Variants in HMGA2 observed in about 807,000 individuals in gnomAD.
The protein encoded by HMGA2 is high mobility group protein HMGI-C.
HMGA2 carries 8 observed loss-of-function variants against 19.1 expected under a neutral mutation model. The ratio of observed to expected loss-of-function variants is 0.42; its 90% confidence interval spans 0.25 to 0.76. The LOEUF (loss-of-function observed/expected upper bound fraction) is 0.76, where lower values mean the gene tolerates loss of function less well. Among genes scored for constraint, HMGA2 ranks in the 30% least tolerant of loss-of-function variants. The pLI is 0.28. For missense variants in HMGA2, 109 were observed against 136.3 expected (o/e 0.80, Z 1.00); for synonymous variants, 60 against 48.8 (o/e 1.23, Z -0.96).
At chr12:65,923,298 TC>T (rs1565733698) in intron 3 of HMGA2, among the ~76,000 whole-genome samples, 2 of 152,214 alleles carry the variant, frequency 1.3e-5, no homozygotes, top group Non-Finnish European at 2.9e-5. Flanking sequence ...CTGGGTCCTT[TC>T]CCACTCCCAA....
chr12:65,850,514 ATTT>A (rs75062051), intron 3 of HMGA2, among the ~76,000 whole-genome samples: 1 of 143,884 alleles, frequency 7.0e-6, no homozygotes, highest in African/African-American at 2.5e-5. Context: ...AAGAGACCGA[ATTT>A]TTTTTTTTTT....
intron 3 of HMGA2, among the ~76,000 whole-genome samples, chr12:65,911,936 A>G (rs1874863397): frequency 6.6e-6 from 1 of 152,204 alleles, no homozygotes; most frequent in African/African-American, 2.4e-5. Context: ...AAATGAAACT[A>G]TGATAGTGGC....
At chr12:65,896,258 A>G (rs1874126280) in intron 3 of HMGA2, among the ~76,000 whole-genome samples, 1 of 152,226 alleles carries the variant, frequency 6.6e-6, no homozygotes. Flanking sequence ...CCAACTGCCA[A>G]CAAAGAAGGG....
intron 3 of HMGA2, among the ~76,000 whole-genome samples, chr12:65,896,602 G>A (rs1033235473): frequency 6.6e-6 from 1 of 152,148 alleles, no homozygotes; most frequent in African/African-American, 2.4e-5. Flanking sequence ...GTGTGCGTGT[G>A]CAGCATGGCC....
intron 3 of HMGA2, among the ~76,000 whole-genome samples, chr12:65,905,173 T>C (rs997990376): frequency 6.7e-6 from 1 of 150,358 alleles, no homozygotes; most frequent in South Asian, 2.1e-4. Context: ...TTATAATGAA[T>C]TGACTTTATC....
At chr12:65,915,338 T>C (rs1020607867) in intron 3 of HMGA2, 17 of 1,371,276 alleles carry the variant, frequency 1.2e-5, no homozygotes, top group Admixed American at 2.8e-5. Context: ...CTACCCCATA[T>C]GGCACCCTTG....
chr12:65,899,043 CAAAAAAA>C (rs751128412), intron 3 of HMGA2, among the ~76,000 whole-genome samples: 2 of 25,352 alleles, frequency 7.9e-5, no homozygotes, highest in Non-Finnish European at 2.1e-4. Flanking sequence ...GACTCCGTCT[CAAAAAAA>C]AAAAAAAAAA....
chr12:65,910,561 C>T (rs1404166223), intron 3 of HMGA2, among the ~76,000 whole-genome samples: 1 of 152,106 alleles, frequency 6.6e-6, no homozygotes, highest in African/African-American at 2.4e-5. Context: ...GTTGATAATT[C>T]TACATAAGAT....
chr12:65,944,865 T>C (rs1465257603), intron 3 of HMGA2, among the ~76,000 whole-genome samples: 4 of 151,932 alleles, frequency 2.6e-5, no homozygotes, highest in Admixed American at 6.6e-5. Context: ...AAATCAGAGA[T>C]TTTTGTTTTT....
chr12:65,835,195 A>G (rs954695673), intron 2 of HMGA2, among the ~76,000 whole-genome samples: 2 of 152,230 alleles, frequency 1.3e-5, no homozygotes, highest in South Asian at 2.1e-4. Context: ...TGTTAAAACA[A>G]AACAAGCCTC....
chr12:65,833,978 C>A (rs1870590201), intron 2 of HMGA2, among the ~76,000 whole-genome samples: 1 of 152,116 alleles, frequency 6.6e-6, no homozygotes, highest in Non-Finnish European at 1.5e-5. Context: ...TTTTGTCAGG[C>A]ACTTTATATA....
chr12:65,891,309 T>C (rs1245187027), intron 3 of HMGA2, among the ~76,000 whole-genome samples: 2 of 152,156 alleles, frequency 1.3e-5, no homozygotes, highest in Non-Finnish European at 2.9e-5. Flanking sequence ...AATCTGTAGT[T>C]AACCACAGCA....
intron 3 of HMGA2, among the ~76,000 whole-genome samples, chr12:65,905,111 T>C (rs1874533132): frequency 6.6e-6 from 1 of 152,164 alleles, no homozygotes. Context: ...GAAATGCATG[T>C]CCTAATTTTT....
intron 4 of HMGA2, chr12:65,953,764 T>TAATGA (rs1876529916): frequency 6.6e-6 from 1 of 152,236 alleles, no homozygotes; most frequent in Non-Finnish European, 1.5e-5. Flanking sequence ...TTATATTGTG[T>TAATGA]AATGACACAG....
At chr12:65,897,245 C>T (rs752701315) in intron 3 of HMGA2, among the ~76,000 whole-genome samples, 1 of 152,126 alleles carries the variant, frequency 6.6e-6, no homozygotes, top group African/African-American at 2.4e-5. Flanking sequence ...TTCAGTTACA[C>T]TCTTAGTTAT....
intron 3 of HMGA2, among the ~76,000 whole-genome samples, chr12:65,853,282 A>C (rs575385101): frequency 6.6e-6 from 1 of 152,310 alleles, no homozygotes; most frequent in African/African-American, 2.4e-5. Context: ...GTAATTATCA[A>C]CAGATTTAAA....
chr12:65,896,565 C>T (rs1034022318), intron 3 of HMGA2, among the ~76,000 whole-genome samples: 14 of 152,190 alleles, frequency 9.2e-5, no homozygotes, highest in African/African-American at 3.4e-4. Context: ...CTCCTCTTCT[C>T]CCTGTTCTTT....
At chr12:65,916,411 A>G (rs965941119) in intron 3 of HMGA2, among the ~76,000 whole-genome samples, 1 of 152,178 alleles carries the variant, frequency 6.6e-6, no homozygotes, top group Non-Finnish European at 1.5e-5. Context: ...TTGAAATTCC[A>G]TTGTTACATT....
chr12:65,825,062 C>T lies in HMGA2; in HGVS notation c.-209C>T. The T allele has an allele frequency of 2.0e-6, 1 of 496,054 alleles. No homozygotes were observed. The highest frequency in any genetic ancestry group is 3.6e-6 in the Non-Finnish European group (1 of 281,142). 30.7% of individuals were successfully genotyped at this position (496,054 alleles called of 1,614,324 possible). A position where few individuals can be genotyped will look rare whatever the true frequency, so the allele number is the denominator to read the frequency against. On this transcript the variant is annotated 5_prime_UTR_variant, in exon 1 of 5. Transcript: ENST00000403681. The surrounding 1 kb of genome is among the most constrained non-coding windows in gnomAD (Gnocchi z 4.4). ...CTCCTCCTCTCCTCCTCCTCCTCCCCTCTTCTCTTTTTGGCAGCCGCTGGA... is the reference window on the plus strand; with the variant it reads ...CTCCTCCTCTCCTCCTCCTCCTCCCTTCTTCTCTTTTTGGCAGCCGCTGGA...
Sources: allele counts gnomAD v4.1 joint callset (sites outside exome capture counted in the v4.1 genomes callset), GRCh38; gene constraint gnomAD v4.1.1; non-coding constraint Gnocchi (gnomAD v3.1); transcripts MANE v1.5; gene names NCBI Gene and HGNC (gene_info 2026-07-23, HGNC 2026-07-21).